The following GARRE1 variants were observed in gnomAD, a reference collection of about 807,000 sequenced individuals.
GARRE1 encodes granule associated Rac and RHOG effector 1, also known as granule associated Rac and RHOG effector protein 1.
A neutral mutation model predicts 103.2 loss-of-function variants in GARRE1; 49 were observed. The ratio of observed to expected loss-of-function variants is 0.47; its 90% CI spans 0.38 to 0.60. GARRE1 has a LOEUF of 0.60. Among genes scored for constraint, GARRE1 ranks in the 20% least tolerant of loss-of-function variants. The pLI is 0.00. For missense variants in GARRE1, 1,199 were observed against 1,370.5 expected, an observed-to-expected ratio of 0.87 and a Z score of 1.98; for synonymous variants, 505 against 532.8, an observed-to-expected ratio of 0.95 and a Z score of 0.72.
rs1233518645 is a variant in GARRE1, at chr19:34,298,429, T to C, written c.-795-1250T>C. ...ACTCTGTCTCAAAAAAAAAAAAAAG[T>C]TGGCCAGGCGCAGTGGCTCAGGCCT... On this transcript the variant is annotated intron_variant, in intron 1 of 13. Transcript: ENST00000299505. Among the ~76,000 whole-genome samples the C allele has an allele frequency of 1.4e-4, 20 of 143,208 alleles. No homozygotes were observed. In the East Asian group the frequency reaches 3.8e-3, roughly 27 times the overall value. The allele number at this position is 143,208 out of a possible 152,430, so 94.0% of individuals were successfully genotyped here. A position where few individuals can be genotyped will look rare whatever the true frequency, so the allele number is the denominator to read the frequency against.
intron 1 of GARRE1, among the ~76,000 whole-genome samples, chr19:34,265,824 A>G (rs1254355906): frequency 6.6e-6 from 1 of 152,164 alleles, no homozygotes; most frequent in Admixed American, 6.5e-5. Context: ...TTATGGATTT[A>G]ATCCTCAGCA....
chr19:34,300,686 T>C lies in GARRE1; in HGVS notation c.213T>C (p.Thr71=). The part of the protein sequence containing the change: ...GSCHHAMPHT[T]PIADIQQGIS... Reference sequence around the variant, plus strand: ...GCCACCATGCCATGCCCCACACTACTCCTATCGCCGACATCCAGCAGGGCA... The same window carrying C: ...GCCACCATGCCATGCCCCACACTACCCCTATCGCCGACATCCAGCAGGGCA... Residue 71 remains threonine, a synonymous_variant, in exon 2 of 14, where the codon ACT becomes ACC. Coordinates refer to ENST00000299505, the MANE Select transcript of GARRE1 (RefSeq NM_014686.5). 6.2e-7 allele frequency: 1 copy of C among 1,613,868 alleles called. No individual in the cohort carries two copies. The highest frequency in any genetic ancestry group is 8.5e-7 in the Non-Finnish European group (1 of 1,180,010).
intron 1 of GARRE1, among the ~76,000 whole-genome samples, chr19:34,262,988 C>T (rs1024082740): frequency 2.0e-5 from 3 of 151,772 alleles, no homozygotes; most frequent in African/African-American, 7.3e-5. Context: ...CTGAGGCGGG[C>T]GGATCACCTG....
intron 1 of GARRE1, among the ~76,000 whole-genome samples, chr19:34,279,757 G>C (rs2073839742): frequency 6.6e-6 from 1 of 151,792 alleles, no homozygotes; most frequent in Admixed American, 6.6e-5. Flanking sequence ...AGGCCGAGGC[G>C]GGCGGATCAC....
Position 34,348,028 on chromosome 19 carries a change from G to A in GARRE1, c.2673G>A (p.Glu891=), listed in dbSNP as rs2074220643. 2 of 1,493,426 alleles carry A rather than the reference G, an allele frequency of 1.3e-6. No homozygotes were observed. Among genetic ancestry groups the A allele is most frequent in the South Asian group, 2.6e-5 (2 of 75,476 alleles). The allele number at this position is 1,493,426 out of a possible 1,614,324, so 92.5% of individuals were successfully genotyped here. A position where few individuals can be genotyped will look rare whatever the true frequency, so the allele number is the denominator to read the frequency against. The part of the protein sequence containing the change: ...DDAHRTWPFP[E]FFTEGDGLHG... ...CGCATCGGACCTGGCCCTTCCCCGAGTTCTTCACAGAAGGGTGAGTGCTGG... is the reference window on the plus strand; with the variant it reads ...CGCATCGGACCTGGCCCTTCCCCGAATTCTTCACAGAAGGGTGAGTGCTGG... Residue 891 remains glutamate, a synonymous_variant, in exon 11 of 14, where the codon GAG becomes GAA. Transcript: ENST00000299505.
Position 34,341,828 on chromosome 19 carries a change from G to C in GARRE1, c.1894G>C (p.Gly632Arg). ...TGAGAACTTCCTGCATGGAGATGACGGCAAGGATGAGAAGGGTATGAACTT... is the reference window on the plus strand; with the variant it reads ...TGAGAACTTCCTGCATGGAGATGACCGCAAGGATGAGAAGGGTATGAACTT... Reference protein sequence around the residue: ...RRENFLHGDDGKDEKGMNLPT... With the variant: ...RRENFLHGDDRKDEKGMNLPT... The change falls in exon 10 of 14, where the codon GGC becomes CGC. Residue 632 changes from glycine to arginine, a missense_variant. Gly to Arg is a moderately radical substitution (Grantham distance 125). Transcript: ENST00000299505. 6.2e-7 allele frequency: 1 copy of C among 1,614,184 alleles called. No individual in the cohort carries two copies. Among genetic ancestry groups the C allele is most frequent in the Non-Finnish European group, 8.5e-7 (1 of 1,180,036 alleles).
chr19:34,282,045 C>T (rs1298778005), intron 1 of GARRE1, among the ~76,000 whole-genome samples: 5 of 152,190 alleles, frequency 3.3e-5, no homozygotes, highest in African/African-American at 1.2e-4. Flanking sequence ...CTATACCTTA[C>T]TTCATTCCCA....
chr19:34,320,253 CATTT>C, intron 3 of GARRE1, 137 bp downstream of exon 3: 1 of 776,942 alleles, frequency 1.3e-6, no homozygotes, highest in South Asian at 1.8e-5. Flanking sequence ...CTTGTTCATT[CATTT>C]AACAGTGAAC....
chr19:34,293,749 TC>T (rs2073931490), intron 1 of GARRE1, among the ~76,000 whole-genome samples: 7 of 79,416 alleles, frequency 8.8e-5, no homozygotes, highest in African/African-American at 1.3e-4. Flanking sequence ...CACACATATT[TC>T]TTTTTTTTTT....
chr19:34,313,862 G>A (rs2074047972), intron 2 of GARRE1, among the ~76,000 whole-genome samples: 1 of 152,100 alleles, frequency 6.6e-6, no homozygotes, highest in African/African-American at 2.4e-5. Context: ...GTGCAGTGAT[G>A]TGATCTTGGC....
intron 8 of GARRE1, among the ~76,000 whole-genome samples, chr19:34,339,343 TAAGGTTTATTATA>T (rs371422709): frequency 3.9e-5 from 6 of 152,304 alleles, no homozygotes; most frequent in African/African-American, 9.6e-5. Flanking sequence ...TAATTATATT[TAAGGTTTATTATA>T]AAGGATATTA....
intron 10 of GARRE1, among the ~76,000 whole-genome samples, chr19:34,347,064 C>T (rs2074214716): frequency 6.6e-6 from 1 of 151,796 alleles, no homozygotes; most frequent in Non-Finnish European, 1.5e-5. Flanking sequence ...GCTGTGACTA[C>T]GGGTGCACAC....
At chr19:34,341,260 C>A in intron 9 of GARRE1, 162 bp from the exon 10 acceptor site, 1 of 627,158 alleles carries the variant, frequency 1.6e-6, no homozygotes, top group Non-Finnish European at 2.7e-6. Context: ...ATTTCATACT[C>A]TCCAAACCCC....
At chr19:34,351,922 C>T (rs1008213128) in intron 13 of GARRE1, among the ~76,000 whole-genome samples, 1 of 151,760 alleles carries the variant, frequency 6.6e-6, no homozygotes, top group Non-Finnish European at 1.5e-5. Context: ...GTAATATAGA[C>T]ACTGTCTCTG....
At chr19:34,346,260 A>G (rs1219405256) in intron 10 of GARRE1, among the ~76,000 whole-genome samples, 1 of 152,118 alleles carries the variant, frequency 6.6e-6, no homozygotes, top group African/African-American at 2.4e-5. Flanking sequence ...CTTTCCTGCC[A>G]TATGTTTTTT....
intron 8 of GARRE1, among the ~76,000 whole-genome samples, chr19:34,337,958 G>A (rs1345981326): frequency 6.6e-6 from 1 of 152,158 alleles, no homozygotes; most frequent in Non-Finnish European, 1.5e-5. Context: ...TGAACCTTGG[G>A]CAGGCTCAGC....
chr19:34,309,594 C>T (rs1483999344), intron 2 of GARRE1, among the ~76,000 whole-genome samples: 1 of 152,134 alleles, frequency 6.6e-6, no homozygotes, highest in Non-Finnish European at 1.5e-5. Flanking sequence ...CCCACCTCAG[C>T]CTCCCACAAC....
Position 34,353,924 on chromosome 19 carries a change from T to TA in GARRE1, c.*979dup, listed in dbSNP as rs935077326. On this transcript the variant is annotated 3_prime_UTR_variant, in exon 14 of 14. Coordinates refer to ENST00000299505, the MANE Select transcript of GARRE1 (RefSeq NM_014686.5). ...TAGAAATTAATTTAAGGTCTTTTCT[T>TA]AAAAAAAAAATCCACCTCATTTTCA... The TA allele has an allele frequency of 0.012, 1,868 of 150,332 alleles. 31 individuals carry two copies. Among genetic ancestry groups the TA allele is most frequent in the African/African-American group, 0.036 (1,466 of 40,978 alleles). 9.3% of individuals were successfully genotyped at this position (150,332 alleles called of 1,614,324 possible).
intron 1 of GARRE1, among the ~76,000 whole-genome samples, chr19:34,275,729 A>G (rs1477246431): frequency 1.3e-5 from 2 of 152,118 alleles, no homozygotes; most frequent in African/African-American, 2.4e-5. Context: ...TTTCTCTTGG[A>G]TATATATACC....
Sources: gnomAD v4.1 joint callset for allele counts (sites outside exome capture counted in the v4.1 genomes callset) on GRCh38, gnomAD v4.1.1 for gene constraint, MANE v1.5 for transcripts, NCBI Gene and HGNC (gene_info 2026-07-23, HGNC 2026-07-21) for gene names.